The following EEA1 variants were observed in gnomAD, a reference collection of about 807,000 sequenced individuals.
EEA1 encodes early endosome antigen 1, 162kD.
EEA1 carries 111 observed loss-of-function variants against 209.2 expected under a neutral mutation model. That is an observed-to-expected ratio of 0.53 (90% CI 0.45 to 0.62). EEA1 has a LOEUF of 0.62. Ranked by LOEUF, EEA1 falls within the 20% of genes least tolerant of loss-of-function variation. The probability of loss-of-function intolerance (pLI) is 0.00; values close to 1 mark genes in which losing one functional copy is unlikely to be tolerated. For missense variants in EEA1, 1,343 were observed against 1,530.8 expected, an observed-to-expected ratio of 0.88 and a Z score of 2.05; for synonymous variants, 536 against 540.6, an observed-to-expected ratio of 0.99 and a Z score of 0.12.
chr12:92,887,621 C>A (rs1879469557), intron 2 of EEA1, among the ~76,000 whole-genome samples: 1 of 151,724 alleles, frequency 6.6e-6, no homozygotes, highest in South Asian at 2.1e-4. Flanking sequence ...ACGCTCCAGC[C>A]CAGGCAATAG....
chr12:92,779,339 T>G (rs753124058), intron 24 of EEA1, 39 bp from the exon 25 acceptor site: 5 of 1,531,948 alleles, frequency 3.3e-6, no homozygotes, highest in Non-Finnish European at 4.4e-6. Flanking sequence ...TCATCCTTCA[T>G]AGTAAATATT....
chr12:92,794,851 G>A (rs1874586965), intron 21 of EEA1, among the ~76,000 whole-genome samples: 1 of 151,836 alleles, frequency 6.6e-6, no homozygotes, highest in East Asian at 1.9e-4. Flanking sequence ...TGCATGTTGT[G>A]TACATGTAAA....
intron 11 of EEA1, among the ~76,000 whole-genome samples, chr12:92,828,752 T>C (rs1167045224): frequency 6.6e-6 from 1 of 152,024 alleles, no homozygotes; most frequent in Non-Finnish European, 1.5e-5. Context: ...AAATCAGTGT[T>C]CCTTCCTACC....
chr12:92,928,162 C>CAAA (rs375294585), intron 1 of EEA1, among the ~76,000 whole-genome samples: 2 of 139,344 alleles, frequency 1.4e-5, no homozygotes, highest in African/African-American at 5.2e-5. Context: ...AAAGCTATAC[C>CAAA]AAAAAAAAAA....
chr12:92,781,880 G>A, intron 23 of EEA1, 70 bp downstream of exon 23: 1 of 1,420,662 alleles, frequency 7.0e-7, no homozygotes, highest in Non-Finnish European at 9.5e-7. Flanking sequence ...TAAATAAGAG[G>A]TTTGACTGGA....
Position 92,799,069 on chromosome 12 carries a change from T to A in EEA1, c.2790A>T (p.Lys930Asn). ...EKEKEASHQLKLELNSMQEQL... is the reference protein window; with the variant it reads ...EKEKEASHQLNLELNSMQEQL... ...GTTCCTGCATTGAATTGAGTTCCAA[T>A]TTCAACTGATGAGAAGCCTGAAAGA... is the stretch of plus-strand genomic sequence containing the variant. The change falls in exon 21 of 29, where the codon AAA becomes AAT. Residue 930 changes from lysine (K) to asparagine (N), a missense_variant. By Grantham distance (94) the Lys-to-Asn change is moderately conservative (BLOSUM62 0). Around this residue, in one of 3 missense-constraint regions of EEA1, gnomAD observed 1,307 missense variants for 1,465.5 expected, o/e 0.89. Transcript: ENST00000322349. 2 of 1,591,744 alleles carry A rather than the reference T, an allele frequency of 1.3e-6. No individual in the cohort carries two copies. The highest frequency in any genetic ancestry group is 1.7e-6 in the Non-Finnish European group (2 of 1,172,882).
At chr12:92,822,118 C>T (rs1471020613) in intron 13 of EEA1, among the ~76,000 whole-genome samples, 1 of 151,728 alleles carries the variant, frequency 6.6e-6, no homozygotes, top group Non-Finnish European at 1.5e-5. Flanking sequence ...TTCACCCTCC[C>T]CCATTGTATC....
intron 11 of EEA1, among the ~76,000 whole-genome samples, chr12:92,832,126 T>C (rs900491963): frequency 2.6e-5 from 4 of 151,740 alleles, no homozygotes; most frequent in African/African-American, 9.7e-5. Context: ...CCAATTTGTA[T>C]GCTATTTGTT....
intron 2 of EEA1, among the ~76,000 whole-genome samples, chr12:92,869,520 G>A (rs1049204278): frequency 2.6e-5 from 4 of 151,094 alleles, no homozygotes; most frequent in Admixed American, 6.6e-5. Flanking sequence ...AAGGCAGGCC[G>A]ATGACTTGAG....
chr12:92,813,013 G>A lies in EEA1; in HGVS notation c.2010C>T (p.Asp670=), dbSNP rs1192671695. The change falls in exon 16 of 29, where the codon GAC becomes GAT. Residue 670 remains aspartate, a synonymous_variant. Transcript: ENST00000322349. ...AQRADLQNHL[D]TAQNALQDKQ... The stretch of plus-strand genomic sequence containing the variant: ...TATCTTGTAATGCATTTTGAGCTGT[G>A]TCCAAATGATTCTGAAGATCAGCTC... 1.3e-6 allele frequency: 2 copies of A among 1,597,054 alleles called. No individual in the cohort carries two copies. The highest frequency in any genetic ancestry group is 1.3e-5 in the African/African-American group (1 of 74,758).
intron 1 of EEA1, among the ~76,000 whole-genome samples, chr12:92,907,966 CCAAA>C (rs569016771): frequency 1.6e-3 from 239 of 152,088 alleles, no homozygotes; most frequent in African/African-American, 5.6e-3. Flanking sequence ...GAGACTGTCT[CCAAA>C]CAAACAAACA....
At chr12:92,923,564 C>T (rs1441459415) in intron 1 of EEA1, among the ~76,000 whole-genome samples, 1 of 152,110 alleles carries the variant, frequency 6.6e-6, no homozygotes, top group African/African-American at 2.4e-5. Flanking sequence ...CACTGCCATC[C>T]TCTGCAAAGA....
chr12:92,895,891 C>T (rs1263355761), intron 1 of EEA1, among the ~76,000 whole-genome samples: 1 of 151,972 alleles, frequency 6.6e-6, no homozygotes, highest in South Asian at 2.1e-4. Flanking sequence ...GTGAGGGGTT[C>T]AAGACTCCAG....
chr12:92,858,726 T>C (rs1188812821), intron 3 of EEA1: 1 of 742,584 alleles, frequency 1.3e-6, no homozygotes, highest in Non-Finnish European at 2.5e-6. Flanking sequence ...AAGAGGTTCG[T>C]CTTGGTGAGA....
At chr12:92,780,137 CA>C in intron 24 of EEA1, 142 bp downstream of exon 24, 2 of 833,122 alleles carry the variant, frequency 2.4e-6, no homozygotes, top group Admixed American at 6.8e-5. Flanking sequence ...AGCACTCTGG[CA>C]AGAGTATTTG....
chr12:92,852,931 T>C lies in EEA1; in HGVS notation c.501A>G (p.Gln167=). The part of the protein sequence containing the change: ...MKDLFEQKAA[Q]LATEIADIKS... ...ATTTACCTGCAATTTCAGTAGCAAG[T>C]TGGGCTGCTTTCTGTTCAAATAAGT... The change falls in exon 7 of 29, where the codon CAA becomes CAG. Residue 167 remains glutamine (Q), a synonymous_variant. Transcript: ENST00000322349. The C allele has an allele frequency of 6.2e-7, 1 of 1,610,084 alleles. No homozygotes were observed. Among genetic ancestry groups the C allele is most frequent in the Non-Finnish European group, 8.5e-7 (1 of 1,178,672 alleles).
At chr12:92,776,764 G>T in intron 28 of EEA1, 80 bp downstream of exon 28, 2 of 1,252,264 alleles carry the variant, frequency 1.6e-6, no homozygotes, top group Non-Finnish European at 2.3e-6. Context: ...TCAAATGAAG[G>T]ACTATTTTGA....
At chr12:92,885,697 A>G (rs1879351739) in intron 2 of EEA1, among the ~76,000 whole-genome samples, 1 of 152,164 alleles carries the variant, frequency 6.6e-6, no homozygotes, top group Non-Finnish European at 1.5e-5. Context: ...GGATCATGAC[A>G]AAGTTTTTCA....
intron 1 of EEA1, among the ~76,000 whole-genome samples, chr12:92,907,039 C>T (rs2136772478): frequency 6.6e-6 from 1 of 151,794 alleles, no homozygotes; most frequent in Admixed American, 6.6e-5. Flanking sequence ...CTATTAAGAG[C>T]TAAAAACGTA....
Sources: allele counts gnomAD v4.1 joint callset (sites outside exome capture counted in the v4.1 genomes callset), GRCh38; gene constraint gnomAD v4.1.1; regional missense constraint gnomAD v4.1.1; transcripts MANE v1.5; gene names NCBI Gene and HGNC (gene_info 2026-07-23, HGNC 2026-07-21).